PELP1: variants seen among roughly 807,000 people sequenced by gnomAD.
PELP1 encodes the protein proline, glutamate and leucine rich protein 1.
A neutral mutation model predicts 95.5 loss-of-function variants in PELP1; 32 were observed. The ratio of observed to expected loss-of-function variants is 0.34; its 90% CI spans 0.25 to 0.45. The LOEUF is 0.45. Ranked by LOEUF, PELP1 falls within the 20% of genes least tolerant of loss-of-function variation. PELP1 has a pLI of 1.00. For missense variants in PELP1, 1,358 were observed against 1,444.8 expected, an observed-to-expected ratio of 0.94 and a Z score of 0.97; for synonymous variants, 668 against 600.1, an observed-to-expected ratio of 1.11 and a Z score of -1.65.
At chr17:4,674,448 A>G in intron 13 of PELP1, 62 bp downstream of exon 13, 1 of 1,486,382 alleles carries the variant, frequency 6.7e-7, no homozygotes, top group Non-Finnish European at 9.2e-7. Context: ...GGGGAGTCCC[A>G]CTAGGGGAAA....
In PELP1 at chr17:4,703,912, G is replaced by C; in HGVS notation, c.200C>G (p.Pro67Arg). 1 of 1,613,474 alleles carries C rather than the reference G, an allele frequency of 6.2e-7. No individual in the cohort carries two copies. Among genetic ancestry groups the C allele is most frequent in the South Asian group, 1.1e-5 (1 of 91,068 alleles). The part of the protein sequence containing the change: ...HPPNRSAPHL[P>R]GLMCLLRLHG... ...CAGCCGCAATAGGCACATGAGCCCGGGCAAATGTGGGGCCGAGCGGTTTGG... is the reference window on the plus strand; with the variant it reads ...CAGCCGCAATAGGCACATGAGCCCGCGCAAATGTGGGGCCGAGCGGTTTGG... The change falls in exon 1 of 17, where the codon CCC becomes CGC. Residue 67 changes from proline (P) to arginine (R), a missense_variant. By Grantham distance (103) the Pro-to-Arg change is moderately radical. This residue lies in a region of PELP1 where 169 missense variants were observed against 134.9 expected (regional missense o/e 1.25). Transcript: ENST00000572293.
chr17:4,694,704 G>C (rs1913229635), intron 1 of PELP1, among the ~76,000 whole-genome samples: 1 of 151,678 alleles, frequency 6.6e-6, no homozygotes, highest in Admixed American at 6.6e-5. Context: ...CGGGCGCGGT[G>C]GCTTACGCCT....
chr17:4,689,166 C>T (rs529986907), intron 3 of PELP1, among the ~76,000 whole-genome samples: 2 of 152,296 alleles, frequency 1.3e-5, no homozygotes, highest in South Asian at 2.1e-4. Flanking sequence ...AACTGGATCA[C>T]TCTCACCTTA....
rs537616856 is a variant in PELP1, at chr17:4,703,426, T to G, written c.249+437A>C. ...AATTCTCATCTTGTTTCGCAGCATT[T>G]TGTGTATCGCCACCACGTCTGTAAC... On this transcript the variant is annotated intron_variant, in intron 1 of 16. Coordinates refer to ENST00000572293, the MANE Select transcript of PELP1 (RefSeq NM_014389.3). 1.3e-4 allele frequency among the ~76,000 whole-genome samples: 20 copies of G among 152,314 alleles called. No individual in the cohort carries two copies. The South Asian group carries it at 3.7e-3, about 28-fold the overall frequency.
Position 4,673,493 on chromosome 17 carries a change from G to A in PELP1, c.1639-37C>T. The A allele has an allele frequency of 6.4e-7, 1 of 1,571,534 alleles. No individual in the cohort carries two copies. Among genetic ancestry groups the A allele is most frequent in the Non-Finnish European group, 8.7e-7 (1 of 1,149,992 alleles). ...AGAGCACACCTGGAAACATCCCCAA[G>A]ACCACCCAACCCTTCTCCAGAGCCT... On this transcript the variant is annotated intron_variant, in intron 14 of 16. Transcript: ENST00000572293. The surrounding 1 kb of genome is among the most constrained non-coding windows in gnomAD (Gnocchi z 5.7).
chr17:4,679,558 T>C (rs1912619454), intron 5 of PELP1, among the ~76,000 whole-genome samples: 1 of 152,172 alleles, frequency 6.6e-6, no homozygotes, highest in Non-Finnish European at 1.5e-5. Flanking sequence ...AGATAATACC[T>C]AACAGAGCTG....
chr17:4,698,739 T>C (rs1913404554), intron 1 of PELP1, among the ~76,000 whole-genome samples: 1 of 151,932 alleles, frequency 6.6e-6, no homozygotes, highest in Non-Finnish European at 1.5e-5. Flanking sequence ...GTTGTTGTTG[T>C]TGTTGTTGTT....
At chr17:4,683,002 C>T (rs754275213) in intron 3 of PELP1, 50 bp from the exon 4 acceptor site, 2 of 1,414,938 alleles carry the variant, frequency 1.4e-6, no homozygotes, top group South Asian at 1.7e-5. Flanking sequence ...TTGATTGTCA[C>T]CAAAGAGCAG....
At chr17:4,700,340 C>T (rs1913474245) in intron 1 of PELP1, among the ~76,000 whole-genome samples, 2 of 151,902 alleles carry the variant, frequency 1.3e-5, no homozygotes, top group Admixed American at 1.3e-4. Flanking sequence ...AGTAGGAGTA[C>T]ACTCTAAAAT....
rs1185821170 is a variant in PELP1, at chr17:4,675,711, G to C, written c.1068+86C>G. 4 of 949,844 alleles carry C rather than the reference G, an allele frequency of 4.2e-6. No homozygotes were observed. In the Admixed American group the frequency reaches 8.0e-5, roughly 19 times the overall value. 58.8% of individuals were successfully genotyped at this position (949,844 alleles called of 1,614,324 possible). A position where few individuals can be genotyped will look rare whatever the true frequency, so the allele number is the denominator to read the frequency against. On this transcript the variant is annotated intron_variant, in intron 9 of 16. Transcript: ENST00000572293. This position sits in a 1 kb window ranked among gnomAD's most constrained non-coding sequence, Gnocchi z 4.3. ...TCTGGGACGACTCCAGGATGACACT[G>C]TTTGGGGAGACTCAGGTCCCCAGTA...
At chr17:4,703,582 T>G (rs903200113) in intron 1 of PELP1, among the ~76,000 whole-genome samples, 4 of 152,112 alleles carry the variant, frequency 2.6e-5, no homozygotes, top group Non-Finnish European at 5.9e-5. Context: ...TTTTAGATTA[T>G]ACAACTAGTG....
In PELP1 at chr17:4,675,102, A is replaced by T. The variant is rs1597447033; in HGVS notation, c.1251T>A (p.Ser417=). ...NSWSIGRDSL[S]PGQERPYSTV... ...ACCTGTAAGGCCTCTCCTGGCCTGG[A>T]GAGAGGGAATCTCTACCGATGCTCC... Residue 417 remains serine, a synonymous_variant, in exon 11 of 17, where the codon TCT becomes TCA. Coordinates refer to ENST00000572293, the MANE Select transcript of PELP1 (RefSeq NM_014389.3). The surrounding 1 kb of genome is among the most constrained non-coding windows in gnomAD (Gnocchi z 4.3). 1.2e-6 allele frequency: 2 copies of T among 1,613,510 alleles called. No homozygotes were observed. The highest frequency in any genetic ancestry group is 1.7e-6 in the Non-Finnish European group (2 of 1,179,748).
intron 1 of PELP1, among the ~76,000 whole-genome samples, chr17:4,700,928 CA>C (rs61195131): frequency 0.65 from 66,578 of 102,364 alleles, 21,105 homozygotes; most frequent in East Asian, 0.81. Flanking sequence ...GGCCCTATCT[CA>C]AAAAAAAAAA....
chr17:4,684,021 G>A (rs1198341077), intron 3 of PELP1, among the ~76,000 whole-genome samples: 1 of 151,766 alleles, frequency 6.6e-6, no homozygotes, highest in African/African-American at 2.4e-5. Context: ...TAACAAGACT[G>A]TGCCATCTCT....
At chr17:4,682,754 G>C (rs1912736236) in intron 4 of PELP1, 49 bp downstream of exon 4, 1 of 1,523,658 alleles carries the variant, frequency 6.6e-7, no homozygotes, top group Non-Finnish European at 8.8e-7. Context: ...AGTGTGTGAA[G>C]GTGAGGACTG....
rs1227729848 is a variant in PELP1 at position 4,673,205 on chromosome 17, A to T, written c.1845+45T>A. Reference sequence around the variant, plus strand: ...GAAATACTGGGAGTCTCTTGGAAACAAGAGACTCCAGGAACCAAAGAGGGG... The same window carrying T: ...GAAATACTGGGAGTCTCTTGGAAACTAGAGACTCCAGGAACCAAAGAGGGG... On this transcript the variant is annotated intron_variant, in intron 15 of 16. Coordinates refer to ENST00000572293, the MANE Select transcript of PELP1 (RefSeq NM_014389.3). This position sits in a 1 kb window ranked among gnomAD's most constrained non-coding sequence, Gnocchi z 5.7. 3.9e-6 allele frequency: 6 copies of T among 1,534,708 alleles called. 1 individual carries two copies. Among genetic ancestry groups the T allele is most frequent in the Non-Finnish European group, 5.3e-6 (6 of 1,136,220 alleles).
chr17:4,674,158 AAG>A (rs1413287308), intron 13 of PELP1, among the ~76,000 whole-genome samples: 1 of 152,216 alleles, frequency 6.6e-6, no homozygotes, highest in African/African-American at 2.4e-5. Flanking sequence ...TGGATACACC[AAG>A]GACGTGCTGA....
At position 4,683,355 on chromosome 17, in the gene PELP1, A is replaced by G. The variant is rs540572344; in HGVS notation, c.421-403T>C. Among the ~76,000 whole-genome samples, 737 of 149,174 alleles carry G rather than the reference A, an allele frequency of 4.9e-3. 4 individuals are homozygous for G. Among genetic ancestry groups the G allele is most frequent in the Middle Eastern group, 0.011 (3 of 274 alleles). Reference sequence around the variant, plus strand: ...CCTGCCTCAGCCTCCCGAGTAGCTGAGACTACAAGCGCCCGCCACCACGCC... The same window carrying G: ...CCTGCCTCAGCCTCCCGAGTAGCTGGGACTACAAGCGCCCGCCACCACGCC... On this transcript the variant is annotated intron_variant, in intron 3 of 16. Coordinates refer to ENST00000572293, the MANE Select transcript of PELP1 (RefSeq NM_014389.3).
Position 4,670,503 on chromosome 17 carries a change from C to T in PELP1, c.*936G>A, listed in dbSNP as rs6502805. On this transcript the variant is annotated 3_prime_UTR_variant, in exon 17 of 17. Transcript: ENST00000572293. ...ACTTTGGGAGTCCAAGGCAGGTGGA[C>T]CATGAGCTCAGGAGTTCAAGACCAG... 145,834 of 152,316 alleles carry T rather than the reference C, an allele frequency of 0.96. 70,139 individuals are homozygous for T. Among genetic ancestry groups the T allele is most frequent in the East Asian group, 1 (5,180 of 5,180 alleles). The allele number at this position is 152,316 out of a possible 1,614,324, so 9.4% of individuals were successfully genotyped here.
Sources: gnomAD v4.1 joint callset for allele counts (sites outside exome capture counted in the v4.1 genomes callset) on GRCh38, gnomAD v4.1.1 for gene constraint, gnomAD v4.1.1 regional missense constraint, Gnocchi (gnomAD v3.1) non-coding constraint, MANE v1.5 for transcripts, NCBI Gene and HGNC (gene_info 2026-07-23, HGNC 2026-07-21) for gene names.